NAV2: variants seen among roughly 807,000 people sequenced by gnomAD.
The protein encoded by NAV2 is helicase, APC down-regulated 1.
In NAV2, 54 loss-of-function variants were observed where a neutral mutation model predicts 223.2. The ratio of observed to expected loss-of-function variants is 0.24; its 90% CI spans 0.19 to 0.30. NAV2 has a LOEUF of 0.30. Ranked by LOEUF, NAV2 falls within the 10% of genes least tolerant of loss-of-function variation. The pLI is 1.00. For synonymous variants in NAV2, 1,279 were observed against 1,239.3 expected, an observed-to-expected ratio of 1.03 and a Z score of -0.67; for missense variants, 2,806 against 3,147.5, an observed-to-expected ratio of 0.89 and a Z score of 2.60.
intron 19 of NAV2, 96 bp downstream of exon 19, chr11:20,056,053 A>T: frequency 8.5e-7 from 1 of 1,172,434 alleles, no homozygotes. Flanking sequence ...CACTTCCTTA[A>T]CCTGAGAGCC....
chr11:20,019,228 C>G (rs2054275041), intron 11 of NAV2, among the ~76,000 whole-genome samples: 1 of 152,032 alleles, frequency 6.6e-6, no homozygotes, highest in Admixed American at 6.6e-5. Flanking sequence ...CATCTTGGTC[C>G]AAGGTTATCT....
At chr11:19,802,474 T>A (rs1355389760) in intron 1 of NAV2, among the ~76,000 whole-genome samples, 3 of 152,216 alleles carry the variant, frequency 2.0e-5, no homozygotes, top group African/African-American at 7.2e-5. Context: ...ATCTGTGAAC[T>A]GGCCTCTTGT....
At chr11:20,105,886 C>A (rs898753183) in intron 35 of NAV2, among the ~76,000 whole-genome samples, 159 bp downstream of exon 35, 1 of 151,806 alleles carries the variant, frequency 6.6e-6, no homozygotes, top group African/African-American at 2.4e-5. Flanking sequence ...ACCAGGTAGA[C>A]CCCAAATTGC....
At chr11:19,519,246 GC>G (rs1420015859) in intron 1 of NAV2, among the ~76,000 whole-genome samples, 1 of 152,124 alleles carries the variant, frequency 6.6e-6, no homozygotes, top group African/African-American at 2.4e-5. Context: ...TACCAACTGG[GC>G]CTCTCAGGGC....
intron 1 of NAV2, among the ~76,000 whole-genome samples, chr11:19,492,822 T>C (rs2042673354): frequency 6.6e-6 from 1 of 152,170 alleles, no homozygotes; most frequent in Non-Finnish European, 1.5e-5. Context: ...ACTCGTATTA[T>C]TACAAAAGCA....
At chr11:20,041,510 GA>G (rs2056915510) in intron 12 of NAV2, among the ~76,000 whole-genome samples, 2 of 152,146 alleles carry the variant, frequency 1.3e-5, no homozygotes, top group African/African-American at 4.8e-5. Flanking sequence ...TGATTGGGGG[GA>G]AATAAGTATA....
In NAV2 at chr11:20,092,240, G is replaced by A. The variant is rs751547677; in HGVS notation, c.5687G>A (p.Arg1896Gln). Residue 1896 changes from arginine (R) to glutamine (Q), a missense_variant, in exon 28 of 38, where the codon CGG becomes CAG. Arg to Gln is a conservative substitution (Grantham distance 43, BLOSUM62 1). Transcript: ENST00000349880. ...EIEKLKAEND[R>Q]LKSESQGSGC... ...GAGAAGCTGAAAGCTGAGAATGATC[G>A]GCTGAAGTCAGAGTCTCAAGGCAGT... The A allele has an allele frequency of 2.2e-5, 36 of 1,614,038 alleles. No homozygotes were observed. Among genetic ancestry groups the A allele is most frequent in the Non-Finnish European group, 2.4e-5 (28 of 1,180,018 alleles).
At chr11:19,523,371 C>G (rs2043735720) in intron 1 of NAV2, among the ~76,000 whole-genome samples, 1 of 152,220 alleles carries the variant, frequency 6.6e-6, no homozygotes, top group Admixed American at 6.5e-5. Flanking sequence ...CAGTGCATCC[C>G]TCCTGTTCCA....
chr11:19,639,623 G>C (rs981011565), intron 1 of NAV2, among the ~76,000 whole-genome samples: 33 of 152,148 alleles, frequency 2.2e-4, no homozygotes, highest in Non-Finnish European at 4.4e-5. Context: ...CACTGATGTG[G>C]AGGTAGAAAA....
At chr11:20,055,510 T>C (rs1180459480) in intron 18 of NAV2, among the ~76,000 whole-genome samples, 1 of 152,208 alleles carries the variant, frequency 6.6e-6, no homozygotes, top group Non-Finnish European at 1.5e-5. Context: ...TGGAAGGTGA[T>C]ACTGGCCTGT....
chr11:19,659,995 T>C (rs560934478), intron 1 of NAV2, among the ~76,000 whole-genome samples: 1 of 152,226 alleles, frequency 6.6e-6, no homozygotes, highest in South Asian at 2.1e-4. Flanking sequence ...AATACTAGTC[T>C]ATTGATCATT....
At chr11:19,558,768 C>T (rs2044993911) in intron 1 of NAV2, among the ~76,000 whole-genome samples, 3 of 152,182 alleles carry the variant, frequency 2.0e-5, no homozygotes, top group Admixed American at 1.3e-4. Context: ...GCTGGGGGCT[C>T]GGATGTTTTC....
intron 1 of NAV2, among the ~76,000 whole-genome samples, chr11:19,592,949 A>G (rs901065950): frequency 3.9e-5 from 6 of 152,178 alleles, no homozygotes; most frequent in Non-Finnish European, 5.9e-5. Flanking sequence ...GTTTTCTCCA[A>G]TGTTTACACA....
intron 20 of NAV2, among the ~76,000 whole-genome samples, chr11:20,062,988 C>T (rs918848902): frequency 2.6e-5 from 4 of 152,126 alleles, no homozygotes; most frequent in East Asian, 3.9e-4. Flanking sequence ...CCATGGTGCC[C>T]GAACAGCCTC....
At chr11:19,541,694 G>A (rs1289492175) in intron 1 of NAV2, among the ~76,000 whole-genome samples, 3 of 152,286 alleles carry the variant, frequency 2.0e-5, no homozygotes, top group African/African-American at 7.2e-5. Context: ...GGCTGATGTG[G>A]GACATGCCAC....
chr11:19,891,057 C>T (rs906166294), intron 5 of NAV2, among the ~76,000 whole-genome samples: 3 of 152,216 alleles, frequency 2.0e-5, no homozygotes, highest in Non-Finnish European at 2.9e-5. Flanking sequence ...AGTCCCCTCA[C>T]ACCAGCTCAT....
intron 1 of NAV2, among the ~76,000 whole-genome samples, chr11:19,353,444 G>C (rs975584240): frequency 1.3e-5 from 2 of 152,140 alleles, no homozygotes; most frequent in African/African-American, 4.8e-5. Context: ...AAGCGTCATG[G>C]AATATAGAAC....
intron 1 of NAV2, among the ~76,000 whole-genome samples, chr11:19,603,631 C>CAAAAAAAAAAAA (rs1222524445): frequency 8.7e-5 from 5 of 57,642 alleles, no homozygotes; most frequent in Non-Finnish European, 8.6e-5. Flanking sequence ...GACTCCATCT[C>CAAAAAAAAAAAA]AAAAAAAAAA....
chr11:19,992,963 G>A (rs2051490186), intron 11 of NAV2, among the ~76,000 whole-genome samples: 1 of 152,118 alleles, frequency 6.6e-6, no homozygotes, highest in African/African-American at 2.4e-5. Flanking sequence ...CTTAATCATT[G>A]TTCAAAGTGT....
Sources: gnomAD v4.1 joint callset for allele counts (sites outside exome capture counted in the v4.1 genomes callset) on GRCh38, gnomAD v4.1.1 for gene constraint, MANE v1.5 for transcripts, NCBI Gene and HGNC (gene_info 2026-07-23, HGNC 2026-07-21) for gene names.